SFSWAP: variants seen among roughly 807,000 people sequenced by gnomAD.
SFSWAP encodes splicing factor SWAP.
SFSWAP carries 17 observed loss-of-function variants against 100.7 expected under a neutral mutation model. The observed-to-expected ratio is 0.17, with a 90% CI of 0.12 to 0.25. The LOEUF (loss-of-function observed/expected upper bound fraction) is 0.25. Ranked by LOEUF, SFSWAP falls within the 10% of genes least tolerant of loss-of-function variation. The probability of loss-of-function intolerance (pLI) is 1.00; values close to 1 mark genes in which losing one functional copy is unlikely to be tolerated. For synonymous variants in SFSWAP, 504 were observed against 510.1 expected, an observed-to-expected ratio of 0.99 and a Z score of 0.16; for missense variants, 1,005 against 1,262.6, an observed-to-expected ratio of 0.80 and a Z score of 3.09.
In SFSWAP at chr12:131,769,711, C is replaced by G. The variant is rs561324405; in HGVS notation, c.2142+3403C>G. On this transcript the variant is annotated intron_variant, in intron 13 of 17. Coordinates refer to ENST00000261674, the MANE Select transcript of SFSWAP (RefSeq NM_004592.4). ...GCGCAGTCTTGGCTCACTGCAACCT[C>G]CGCCTCCCGGGTTCACACCATTCTC... 4.0e-3 allele frequency among the ~76,000 whole-genome samples: 607 copies of G among 152,284 alleles called. 1 individual carries two copies. Among genetic ancestry groups the G allele is most frequent in the Non-Finnish European group, 6.4e-3 (437 of 68,016 alleles).
intron 7 of SFSWAP, among the ~76,000 whole-genome samples, chr12:131,732,383 C>T (rs754662108): frequency 1.2e-4 from 19 of 152,186 alleles, no homozygotes; most frequent in Non-Finnish European, 2.6e-4. Context: ...GTGAGGACGT[C>T]GCTGAGTTGC....
chr12:131,714,778 G>A lies in SFSWAP; in HGVS notation c.389-44G>A, dbSNP rs767090292. 3.2e-6 allele frequency: 5 copies of A among 1,574,910 alleles called. No homozygotes were observed. The East Asian group carries it at 1.1e-4, about 36-fold the overall frequency. On this transcript the variant is annotated intron_variant, in intron 2 of 17. Transcript: ENST00000261674. The surrounding 1 kb of genome is among the most constrained non-coding windows in gnomAD (Gnocchi z 6.0). ...TTAGAAATATATAAAGTTTTTCTCAGTAATTTTCTATTTTTGTTGATAAAA... is the reference window on the plus strand; with the variant it reads ...TTAGAAATATATAAAGTTTTTCTCAATAATTTTCTATTTTTGTTGATAAAA...
At chr12:131,759,028 A>C (rs745827991) in intron 11 of SFSWAP, among the ~76,000 whole-genome samples, 1 of 152,230 alleles carries the variant, frequency 6.6e-6, no homozygotes, top group Non-Finnish European at 1.5e-5. Context: ...CGGAGGTTGC[A>C]GTGAGCCAAG....
chr12:131,755,322 G>A, intron 9 of SFSWAP, 64 bp from the exon 10 acceptor site: 1 of 1,105,292 alleles, frequency 9.0e-7, no homozygotes, highest in South Asian at 1.2e-5. Context: ...GGAGAACAGG[G>A]CCTGTTGTTA....
intron 4 of SFSWAP, among the ~76,000 whole-genome samples, chr12:131,722,299 C>A (rs1878547602): frequency 6.6e-6 from 1 of 152,204 alleles, no homozygotes; most frequent in African/African-American, 2.4e-5. Context: ...CAGTGGCTCA[C>A]ACCTGTAATC....
intron 7 of SFSWAP, among the ~76,000 whole-genome samples, chr12:131,731,131 G>C (rs1593122350): frequency 6.6e-6 from 1 of 152,208 alleles, no homozygotes; most frequent in South Asian, 2.1e-4. Flanking sequence ...CCAAGAGCTA[G>C]AACTTTGGCT....
intron 11 of SFSWAP, chr12:131,757,932 G>A (rs1031980928): frequency 2.0e-5 from 3 of 152,296 alleles, no homozygotes; most frequent in African/African-American, 7.2e-5. Context: ...CTATAGGTCA[G>A]GGTAAGGCAG....
At chr12:131,720,827 A>G (rs1878405623) in intron 4 of SFSWAP, among the ~76,000 whole-genome samples, 1 of 152,170 alleles carries the variant, frequency 6.6e-6, no homozygotes, top group Non-Finnish European at 1.5e-5. Flanking sequence ...ATTCTTTCAA[A>G]TATGGGTAAA....
intron 15 of SFSWAP, among the ~76,000 whole-genome samples, chr12:131,789,972 GCTCTCCT>G (rs1341613431): frequency 1.3e-5 from 2 of 152,182 alleles, no homozygotes; most frequent in African/African-American, 4.8e-5. Flanking sequence ...AAGCAGCGCG[GCTCTCCT>G]GCTCCCAGCA....
chr12:131,730,173 C>T lies in SFSWAP; in HGVS notation c.1081+1745C>T, dbSNP rs1246446090. Among the ~76,000 whole-genome samples the T allele has an allele frequency of 6.6e-6, 1 of 152,200 alleles. No individual in the cohort carries two copies. Among genetic ancestry groups the T allele is most frequent in the African/African-American group, 2.4e-5 (1 of 41,452 alleles). On this transcript the variant is annotated intron_variant, in intron 7 of 17. Transcript: ENST00000261674. This position sits in a 1 kb window ranked among gnomAD's most constrained non-coding sequence, Gnocchi z 4.0. ...CTCACTGCATGGATTTTTGGATAGA[C>T]GGCCGCACACCTTTAAGTCTTGAGC...
chr12:131,761,785 G>T (rs1169640491), intron 11 of SFSWAP, among the ~76,000 whole-genome samples: 1 of 152,196 alleles, frequency 6.6e-6, no homozygotes, highest in South Asian at 2.1e-4. Flanking sequence ...CTGACCTGAG[G>T]TACCTGGAGA....
intron 16 of SFSWAP, among the ~76,000 whole-genome samples, chr12:131,798,276 C>G (rs189584072): frequency 6.4e-4 from 97 of 152,216 alleles, no homozygotes; most frequent in African/African-American, 2.3e-3. Context: ...TGCACATCAG[C>G]CTGGGTGACA....
Position 131,725,690 on chromosome 12 carries a change from C to T in SFSWAP, c.832+60C>T. The T allele has an allele frequency of 8.2e-7, 1 of 1,220,116 alleles. No homozygotes were observed. The highest frequency in any genetic ancestry group is 1.2e-6 in the Non-Finnish European group (1 of 843,042). 75.6% of individuals were successfully genotyped at this position (1,220,116 alleles called of 1,614,324 possible). A position where few individuals can be genotyped will look rare whatever the true frequency, so the allele number is the denominator to read the frequency against. On this transcript the variant is annotated intron_variant, in intron 5 of 17. Transcript: ENST00000261674. This position sits in a 1 kb window ranked among gnomAD's most constrained non-coding sequence, Gnocchi z 4.3. The stretch of plus-strand genomic sequence containing the variant: ...GGGCCTGTGTTGTGGGGGCGGCAGG[C>T]TGGGTGGTTCTGGGAAAAGTGTGAA...
Position 131,711,651 on chromosome 12 carries a change from T to A in SFSWAP, c.218+204T>A. 1 of 570,442 alleles carries A rather than the reference T, an allele frequency of 1.8e-6. No homozygotes were observed. Among genetic ancestry groups the A allele is most frequent in the South Asian group, 2.1e-5 (1 of 47,516 alleles). The allele number at this position is 570,442 out of a possible 1,614,324, so 35.3% of individuals were successfully genotyped here. On this transcript the variant is annotated intron_variant, in intron 1 of 17. Coordinates refer to ENST00000261674, the MANE Select transcript of SFSWAP (RefSeq NM_004592.4). This position sits in a 1 kb window ranked among gnomAD's most constrained non-coding sequence, Gnocchi z 4.9. ...CCTGCCCTAAGGCACTGGCTGGAAT[T>A]GCGTGCCGCGTCCGTCTCCGGAGGG...
intron 15 of SFSWAP, 51 bp from the exon 16 acceptor site, chr12:131,797,127 C>A: frequency 6.5e-7 from 1 of 1,539,048 alleles, no homozygotes; most frequent in Non-Finnish European, 8.8e-7. Context: ...TCCCTTTGTG[C>A]CCTGCCTTTA....
At chr12:131,786,438 G>C in intron 14 of SFSWAP, 25 bp from the exon 15 acceptor site, 1 of 1,578,638 alleles carries the variant, frequency 6.3e-7, no homozygotes, top group South Asian at 1.2e-5. Flanking sequence ...CCACAGAGCT[G>C]AACACTGCCT....
rs1877683942 is a variant in SFSWAP, at chr12:131,714,324, A to G, written c.388+84A>G. 3 of 1,142,158 alleles carry G rather than the reference A, an allele frequency of 2.6e-6. No individual in the cohort carries two copies. Among genetic ancestry groups the G allele is most frequent in the East Asian group, 2.6e-5 (1 of 38,846 alleles). The allele number at this position is 1,142,158 out of a possible 1,614,324, so 70.8% of individuals were successfully genotyped here. On this transcript the variant is annotated intron_variant, in intron 2 of 17. Coordinates refer to ENST00000261674, the MANE Select transcript of SFSWAP (RefSeq NM_004592.4). This position sits in a 1 kb window ranked among gnomAD's most constrained non-coding sequence, Gnocchi z 6.0. ...AAAATTTACTCCCATTCATTTTTTT[A>G]TACTCACTCTTTCTGATATTATCTT...
In SFSWAP at chr12:131,799,121, C is replaced by T. The variant is rs370184877; in HGVS notation, c.2790+12C>T. On this transcript the variant is annotated intron_variant, in intron 17 of 17. Transcript: ENST00000261674. ...GCAAAATCACTCAGGTCAGTGGGCA[C>T]GCCCCCCTCCCGCTCCCAGCCTTTC... The T allele has an allele frequency of 6.9e-4, 1,113 of 1,604,588 alleles. 17 individuals carry two copies. In the South Asian group the frequency reaches 0.011, roughly 16 times the overall value.
chr12:131,711,854 C>T lies in SFSWAP; in HGVS notation c.218+407C>T, dbSNP rs1337774769. ...TTTTCTACTTGCCGCGCTCTCACTG[C>T]TCGGTGTACTGGGAGGGTACCCTGG... On this transcript the variant is annotated intron_variant, in intron 1 of 17. Coordinates refer to ENST00000261674, the MANE Select transcript of SFSWAP (RefSeq NM_004592.4). The surrounding 1 kb of genome is among the most constrained non-coding windows in gnomAD (Gnocchi z 4.9). The T allele has an allele frequency of 4.6e-6, 1 of 219,356 alleles. No individual in the cohort carries two copies. Among genetic ancestry groups the T allele is most frequent in the South Asian group, 5.9e-5 (1 of 17,052 alleles). 13.6% of individuals were successfully genotyped at this position (219,356 alleles called of 1,614,324 possible). A position where few individuals can be genotyped will look rare whatever the true frequency, so the allele number is the denominator to read the frequency against.
Sources: allele counts gnomAD v4.1 joint callset (sites outside exome capture counted in the v4.1 genomes callset), GRCh38; gene constraint gnomAD v4.1.1; non-coding constraint Gnocchi (gnomAD v3.1); transcripts MANE v1.5; gene names NCBI Gene and HGNC (gene_info 2026-07-23, HGNC 2026-07-21).